Variants in CCDC171 observed in about 807,000 individuals in gnomAD.
CCDC171 encodes the protein coiled-coil domain containing 171.
Under a neutral mutation model 168.2 loss-of-function variants are expected in CCDC171, and 177 were observed. That is an observed-to-expected ratio of 1.05 (90% CI 0.93 to 1.19). The LOEUF is 1.19. Among genes scored for constraint, CCDC171 ranks in the 50% most tolerant of loss-of-function variants. The pLI is 0.00. For missense variants in CCDC171, 1,991 were observed against 1,539.0 expected, an observed-to-expected ratio of 1.29 and a Z score of -4.91; for synonymous variants, 687 against 540.8, an observed-to-expected ratio of 1.27 and a Z score of -3.75.
At chr9:16,097,829 T>C in the CCDC171 span, among the ~76,000 whole-genome samples, 9 of 152,174 alleles carry the variant, frequency 5.9e-5, no homozygotes, top group African/African-American at 2.2e-4. Context: ...CACAGCATCA[T>C]TGAACTTCAA....
At chr9:15,791,085 T>A (rs998079987) in intron 21 of CCDC171, among the ~76,000 whole-genome samples, 1 of 152,192 alleles carries the variant, frequency 6.6e-6, no homozygotes, top group Non-Finnish European at 1.5e-5. Context: ...TGCGGGCTCT[T>A]TTTTGGTTCC....
intron 24 of CCDC171, among the ~76,000 whole-genome samples, chr9:15,902,297 C>CAT (rs1821816458): frequency 6.7e-6 from 1 of 149,644 alleles, no homozygotes; most frequent in African/African-American, 2.5e-5. Flanking sequence ...CACACACACA[C>CAT]ATAAAAATTT....
chr9:15,737,764 C>T (rs13290523), intron 16 of CCDC171, among the ~76,000 whole-genome samples: 4 of 151,968 alleles, frequency 2.6e-5, no homozygotes, highest in African/African-American at 9.7e-5. Context: ...AATTAAATAA[C>T]CATTATGGGG....
At chr9:15,623,710 GTAAT>G (rs2044776622) in intron 7 of CCDC171, among the ~76,000 whole-genome samples, 1 of 152,134 alleles carries the variant, frequency 6.6e-6, no homozygotes, top group Non-Finnish European at 1.5e-5. Flanking sequence ...AAGTTTGAGA[GTAAT>G]TGTTTACATT....
intron 21 of CCDC171, among the ~76,000 whole-genome samples, chr9:15,810,706 C>T (rs953922338): frequency 1.3e-5 from 2 of 152,208 alleles, no homozygotes; most frequent in Admixed American, 1.3e-4. Flanking sequence ...AGTGCGGGGC[C>T]TGCCGAGCCC....
chr9:15,552,899 C>G (rs1224718883), upstream of CCDC171, among the ~76,000 whole-genome samples: 1 of 151,864 alleles, frequency 6.6e-6, no homozygotes, highest in Non-Finnish European at 1.5e-5. Context: ...GCCCGTTCGT[C>G]CCTCAGCGAA....
chr9:16,016,701 G>A (rs1292615309), intron 3 of CCDC171, among the ~76,000 whole-genome samples: 2 of 152,170 alleles, frequency 1.3e-5, no homozygotes, highest in African/African-American at 4.8e-5. Context: ...AAAACAGGTT[G>A]CCACTTGGGT....
At chr9:15,911,376 C>G (rs12380656) in intron 24 of CCDC171, among the ~76,000 whole-genome samples, 20,963 of 152,212 alleles carry the variant, frequency 0.14, 1,860 homozygotes, top group Non-Finnish European at 0.2. Context: ...ATCCTTTGCT[C>G]ACTTTTTGAT....
At chr9:15,992,248 C>T (rs1289062643) in intron 3 of CCDC171, among the ~76,000 whole-genome samples, 3 of 152,192 alleles carry the variant, frequency 2.0e-5, no homozygotes, top group African/African-American at 4.8e-5. Context: ...AAGTGGGCTT[C>T]ATCCCTGGGA....
chr9:15,574,370 C>T (rs1486709734), intron 3 of CCDC171, among the ~76,000 whole-genome samples: 2 of 151,972 alleles, frequency 1.3e-5, no homozygotes, highest in Non-Finnish European at 2.9e-5. Flanking sequence ...GTCTCGAACT[C>T]CTGACTTTGT....
chr9:15,804,389 A>G (rs567869138), intron 21 of CCDC171, among the ~76,000 whole-genome samples: 3 of 151,066 alleles, frequency 2.0e-5, no homozygotes, highest in African/African-American at 7.3e-5. Context: ...GGTTCTCATT[A>G]TTTGAGGTAT....
chr9:15,961,777 A>G (rs1487720616), intron 25 of CCDC171, among the ~76,000 whole-genome samples: 2 of 152,174 alleles, frequency 1.3e-5, no homozygotes, highest in Non-Finnish European at 2.9e-5. Flanking sequence ...GTTTTTAGCT[A>G]TAAAAGTAAA....
At chr9:15,624,484 C>T (rs2044867166) in intron 7 of CCDC171, among the ~76,000 whole-genome samples, 1 of 152,000 alleles carries the variant, frequency 6.6e-6, no homozygotes, top group Non-Finnish European at 1.5e-5. Flanking sequence ...CATGACAGGC[C>T]CCGGTGTGTG....
chr9:15,955,187 C>T (rs1430321500), intron 25 of CCDC171, among the ~76,000 whole-genome samples: 1 of 152,138 alleles, frequency 6.6e-6, no homozygotes, highest in African/African-American at 2.4e-5. Context: ...TGGATCTGCA[C>T]CTTTCCCTGG....
intron 6 of CCDC171, among the ~76,000 whole-genome samples, chr9:15,606,263 C>T (rs981189151): frequency 2.6e-5 from 4 of 152,142 alleles, no homozygotes; most frequent in Non-Finnish European, 5.9e-5. Flanking sequence ...TATTGATGCA[C>T]ATTTTATTTC....
chr9:16,078,928 G>A, the CCDC171 span, among the ~76,000 whole-genome samples: 1 of 152,216 alleles, frequency 6.6e-6, no homozygotes, highest in Admixed American at 6.5e-5. Flanking sequence ...CAGGAAGGCA[G>A]GTGATTCAAG....
intron 21 of CCDC171, among the ~76,000 whole-genome samples, chr9:15,786,949 A>G (rs1891208): frequency 0.94 from 143,082 of 152,090 alleles, 67,378 homozygotes; most frequent in East Asian, 1. Context: ...ATCTCCCTTC[A>G]CTGATTCTCT....
intron 25 of CCDC171, chr9:15,922,168 A>G (rs1292242824): frequency 2.4e-5 from 10 of 411,240 alleles, no homozygotes; most frequent in African/African-American, 1.2e-4. Context: ...TTCTTCATCT[A>G]TAGAATGCGA....
the CCDC171 span, among the ~76,000 whole-genome samples, chr9:16,096,622 G>A: frequency 6.6e-6 from 1 of 152,234 alleles, no homozygotes; most frequent in African/African-American, 2.4e-5. Context: ...AGGGAGAAGA[G>A]AAAGTTTGAG....
Sources: gnomAD v4.1 joint callset for allele counts (sites outside exome capture counted in the v4.1 genomes callset) on GRCh38, gnomAD v4.1.1 for gene constraint, MANE v1.5 for transcripts, NCBI Gene and HGNC (gene_info 2026-07-23, HGNC 2026-07-21) for gene names.